The following EXOC7 variants were observed in gnomAD, a reference collection of about 807,000 sequenced individuals.
EXOC7 encodes the protein exocyst complex component Exo70.
Under a neutral mutation model 87.6 loss-of-function variants are expected in EXOC7, and 51 were observed. The observed-to-expected ratio is 0.58, with a 90% CI of 0.46 to 0.73. The LOEUF is 0.73. Among genes scored for constraint, EXOC7 ranks in the 30% least tolerant of loss-of-function variants. The pLI is 0.00. For missense variants in EXOC7, 744 were observed against 888.4 expected, an observed-to-expected ratio of 0.84 and a Z score of 2.07; for synonymous variants, 327 against 357.1, an observed-to-expected ratio of 0.92 and a Z score of 0.95.
In EXOC7 at chr17:76,101,830, T is replaced by A. The variant is rs199936809; in HGVS notation, c.160A>T (p.Met54Leu). The A allele has an allele frequency of 6.2e-5, 100 of 1,613,892 alleles. 1 individual carries two copies. The highest frequency in any genetic ancestry group is 5.8e-4 in the East Asian group (26 of 44,852). Residue 54 changes from methionine to leucine, a missense_variant, in exon 3 of 19, where the codon ATG (methionine) becomes TTG (leucine). Physicochemically the swap from Met to Leu is conservative, Grantham distance 15 (BLOSUM62 2). This residue lies in a region of EXOC7 where 512 missense variants were observed against 573.0 expected (regional missense o/e 0.89). Transcript: ENST00000589210. Reference protein sequence around the residue: ...SILSSFESRLMKLENSIIPVH... With the variant: ...SILSSFESRLLKLENSIIPVH... ...GGGATGATGGAGTTCTCCAGCTTCA[T>A]AAGGCGGCTCTCAAAGGATGATAAG...
chr17:76,089,237 G>A lies in EXOC7; in HGVS notation c.985C>T (p.Gln329Ter). 6.2e-7 allele frequency: 1 copy of A among 1,614,094 alleles called. No homozygotes were observed. The highest frequency in any genetic ancestry group is 8.5e-7 in the Non-Finnish European group (1 of 1,180,006). ...AFVKLAQSEY[Q>*]LLADIIPEHH... ...TCGGGGATGATGTCGGCCAGCAGCT[G>A]GTACTCGCTCTGCGCCAGCTTGACG... The change falls in exon 8 of 19, where the codon CAG becomes TAG. Residue 329 changes from glutamine (Q) to a stop codon, truncating the protein, a stop_gained. Transcript: ENST00000589210. LOFTEE classifies it high-confidence loss of function.
intron 12 of EXOC7, chr17:76,087,167 G>A: frequency 2.2e-6 from 1 of 454,698 alleles, no homozygotes; most frequent in Non-Finnish European, 4.0e-6. Flanking sequence ...GAGGGCCCAG[G>A]GACCTCAGTG....
At chr17:76,099,180 C>T (rs769335809) in intron 4 of EXOC7, among the ~76,000 whole-genome samples, 2 of 152,018 alleles carry the variant, frequency 1.3e-5, no homozygotes, top group Non-Finnish European at 2.9e-5. Flanking sequence ...TGGAAACAAC[C>T]CAAGTGTCCA....
Position 76,091,176 on chromosome 17 carries a change from T to A in EXOC7, c.868A>T (p.Lys290Ter). The A allele has an allele frequency of 6.2e-7, 1 of 1,614,092 alleles. No homozygotes were observed. Among genetic ancestry groups the A allele is most frequent in the Non-Finnish European group, 8.5e-7 (1 of 1,180,012 alleles). The change falls in exon 7 of 19, where the codon AAA becomes TAA. Residue 290 changes from lysine (K) to a stop codon, truncating the protein, a stop_gained. Coordinates refer to ENST00000589210, the MANE Select transcript of EXOC7 (RefSeq NM_001013839.4). LOFTEE classifies it high-confidence loss of function. ...GGAATGAGGTTAGAGCCCCCCTTTT[T>A]CCCATCTAGACCATGCTGGGAATAC... is the stretch of plus-strand genomic sequence containing the variant. ...KQYSQHGLDG[K>*]KGGSNLIPLE... is the part of the protein sequence containing the mutation.
chr17:76,088,588 G>T, intron 9 of EXOC7, 26 bp from the exon 10 acceptor site: 1 of 1,609,298 alleles, frequency 6.2e-7, no homozygotes, highest in Non-Finnish European at 8.5e-7. Context: ...GGAGCCCCCA[G>T]CTCACCTCCA....
At chr17:76,098,130 T>C in intron 4 of EXOC7, 112 bp from the exon 5 acceptor site, 2 of 848,150 alleles carry the variant, frequency 2.4e-6, no homozygotes, top group South Asian at 1.7e-5. Flanking sequence ...TCTGCCCTTT[T>C]CTGCCCTGAT....
rs2068045142 is a variant in EXOC7 at position 76,101,253 on chromosome 17, A to C, written c.417+18T>G. 1.9e-6 allele frequency: 3 copies of C among 1,613,812 alleles called. No homozygotes were observed. The highest frequency in any genetic ancestry group is 1.7e-6 in the Non-Finnish European group (2 of 1,180,006). Reference sequence around the variant, plus strand: ...CTGATATCCCCAAGCTTCTCACGTTATTCTGCGGACCCCTTACCACTTTGT... The same window carrying C: ...CTGATATCCCCAAGCTTCTCACGTTCTTCTGCGGACCCCTTACCACTTTGT... On this transcript the variant is annotated intron_variant, in intron 4 of 18. Transcript: ENST00000589210.
chr17:76,098,284 G>A (rs67125471), intron 4 of EXOC7, among the ~76,000 whole-genome samples: 73,582 of 151,622 alleles, frequency 0.49, 18,336 homozygotes, highest in South Asian at 0.66. Context: ...TTACAGGCAC[G>A]TGCCACCATG....
chr17:76,094,301 C>G lies in EXOC7; in HGVS notation c.808+113G>C, dbSNP rs2067640561. ...CCTGTGTACCTACAGTCGGGGTTAC[C>G]ACGACGACAAGCTCTGGAGGGGCCT... On this transcript the variant is annotated intron_variant, in intron 6 of 18. Coordinates refer to ENST00000589210, the MANE Select transcript of EXOC7 (RefSeq NM_001013839.4). 5 of 1,231,766 alleles carry G rather than the reference C, an allele frequency of 4.1e-6. No individual in the cohort carries two copies. The South Asian group carries it at 4.7e-5, about 11-fold the overall frequency. The allele number at this position is 1,231,766 out of a possible 1,614,324, so 76.3% of individuals were successfully genotyped here. A position where few individuals can be genotyped will look rare whatever the true frequency, so the allele number is the denominator to read the frequency against.
chr17:76,083,848 C>A (rs934058783), intron 18 of EXOC7, 98 bp from the exon 19 acceptor site: 4 of 1,504,122 alleles, frequency 2.7e-6, no homozygotes, highest in Non-Finnish European at 3.6e-6. Flanking sequence ...AGGGGTGGCC[C>A]TGAGCGATTC....
chr17:76,087,975 C>T, intron 11 of EXOC7, 85 bp downstream of exon 11: 1 of 1,497,334 alleles, frequency 6.7e-7, no homozygotes, highest in African/African-American at 1.4e-5. Flanking sequence ...GGCTGAGTCC[C>T]TTCCACCAGT....
In EXOC7 at chr17:76,103,746, C is replaced by G. The variant is rs1010663936; in HGVS notation, c.-54G>C. 2.6e-6 allele frequency: 4 copies of G among 1,535,190 alleles called. No individual in the cohort carries two copies. Among genetic ancestry groups the G allele is most frequent in the Non-Finnish European group, 3.5e-6 (4 of 1,135,580 alleles). ...CAGTATCTTTCCTCCGCGGGCCCACCGGGCCCCCGTCCCCGTCACACCCAC... is the reference window on the plus strand; with the variant it reads ...CAGTATCTTTCCTCCGCGGGCCCACGGGGCCCCCGTCCCCGTCACACCCAC... On this transcript the variant is annotated 5_prime_UTR_variant, in exon 1 of 19. Coordinates refer to ENST00000589210, the MANE Select transcript of EXOC7 (RefSeq NM_001013839.4).
At chr17:76,087,891 T>C in intron 11 of EXOC7, 169 bp downstream of exon 11, 2 of 939,252 alleles carry the variant, frequency 2.1e-6, no homozygotes, top group Non-Finnish European at 3.3e-6. Flanking sequence ...CCCTGTCTGC[T>C]AGAGACACTA....
chr17:76,098,080 T>A, intron 4 of EXOC7, 62 bp from the exon 5 acceptor site: 1 of 1,437,512 alleles, frequency 7.0e-7, no homozygotes, highest in Non-Finnish European at 9.8e-7. Flanking sequence ...GTCCTGGCCT[T>A]CCCCTGCCTG....
chr17:76,089,382 C>T (rs577368447), intron 7 of EXOC7, 62 bp from the exon 8 acceptor site: 283 of 1,591,686 alleles, frequency 1.8e-4, no homozygotes, highest in Non-Finnish European at 2.2e-4. Context: ...TGGCTGGGGG[C>T]GGCGTGGGTC....
chr17:76,082,265 T>C lies in EXOC7; in HGVS notation c.*1383A>G, dbSNP rs888038576. ...GAAGTCCCAGGTGACCTCAATCCCC[T>C]GATAACCCATGCCTTGCACAGCCTA... On this transcript the variant is annotated 3_prime_UTR_variant, in exon 19 of 19. Transcript: ENST00000589210. 5 of 772,702 alleles carry C rather than the reference T, an allele frequency of 6.5e-6. No individual in the cohort carries two copies. Among genetic ancestry groups the C allele is most frequent in the South Asian group, 1.9e-5 (1 of 51,690 alleles). 47.9% of individuals were successfully genotyped at this position (772,702 alleles called of 1,614,324 possible). A position where few individuals can be genotyped will look rare whatever the true frequency, so the allele number is the denominator to read the frequency against.
rs190500551 is a variant in EXOC7 at position 76,099,422 on chromosome 17, G to A, written c.418-1404C>T. Among the ~76,000 whole-genome samples, 384 of 152,226 alleles carry A rather than the reference G, an allele frequency of 2.5e-3. 2 individuals carry two copies. Among genetic ancestry groups the A allele is most frequent in the African/African-American group, 8.8e-3 (364 of 41,552 alleles). The stretch of plus-strand genomic sequence containing the variant: ...CTCGGGAGGCTGGGACAGGAGAATC[G>A]CTTGAACCCAGGAGGTGGAGGTTGC... On this transcript the variant is annotated intron_variant, in intron 4 of 18. Coordinates refer to ENST00000589210, the MANE Select transcript of EXOC7 (RefSeq NM_001013839.4).
chr17:76,081,558 AC>A lies in EXOC7; in HGVS notation c.*2089del. On this transcript the variant is annotated 3_prime_UTR_variant, in exon 19 of 19. Coordinates refer to ENST00000589210, the MANE Select transcript of EXOC7 (RefSeq NM_001013839.4). Reference sequence around the variant, plus strand: ...TTCCCCTTCCAGCTGAGGCTGAAGAACACGGCGCTCAAGTCCATCATCGCTC... The same window carrying A: ...TTCCCCTTCCAGCTGAGGCTGAAGAAACGGCGCTCAAGTCCATCATCGCTC... The A allele has an allele frequency of 1.9e-6, 3 of 1,613,624 alleles. No individual in the cohort carries two copies. Among genetic ancestry groups the A allele is most frequent in the Non-Finnish European group, 2.5e-6 (3 of 1,180,028 alleles).
chr17:76,091,486 G>A, intron 6 of EXOC7: 1 of 495,212 alleles, frequency 2.0e-6, no homozygotes, highest in East Asian at 3.6e-5. Context: ...TGAAAGGACA[G>A]AGGGTAATGA....
Sources: allele counts gnomAD v4.1 joint callset (sites outside exome capture counted in the v4.1 genomes callset), GRCh38; gene constraint gnomAD v4.1.1; regional missense constraint gnomAD v4.1.1; transcripts MANE v1.5; gene names NCBI Gene and HGNC (gene_info 2026-07-23, HGNC 2026-07-21).